The following FSTL4 variants were observed in gnomAD, a reference collection of about 807,000 sequenced individuals.
The protein encoded by FSTL4 is follistatin like 4, also known as follistatin-related protein 4.
Under a neutral mutation model 78.2 loss-of-function variants are expected in FSTL4, and 28 were observed. That is an observed-to-expected ratio of 0.36 (90% CI 0.27 to 0.49). The LOEUF (loss-of-function observed/expected upper bound fraction) is 0.49, where lower values mean the gene tolerates loss of function less well. FSTL4 is among the 20% of genes least tolerant of loss of function. The pLI is 0.98. For synonymous variants in FSTL4, 422 were observed against 440.5 expected (o/e 0.96, Z 0.53); for missense variants, 922 against 1,084.9 (o/e 0.85, Z 2.11).
chr5:133,225,388 C>A lies in FSTL4; in HGVS notation c.1178-104G>T, dbSNP rs1318196021. 4 of 1,395,736 alleles carry A rather than the reference C, an allele frequency of 2.9e-6. No individual in the cohort carries two copies. The Admixed American group carries it at 5.7e-5, about 20-fold the overall frequency. The allele number at this position is 1,395,736 out of a possible 1,614,324, so 86.5% of individuals were successfully genotyped here. A position where few individuals can be genotyped will look rare whatever the true frequency, so the allele number is the denominator to read the frequency against. ...TTAGGGCTGCCCAGCCCCTGGGCAG[C>A]CAGCAGCCCTGATTATACGCCCAGG... On this transcript the variant is annotated intron_variant, in intron 9 of 15. Coordinates refer to ENST00000265342, the MANE Select transcript of FSTL4 (RefSeq NM_015082.2). The surrounding 1 kb of genome is among the most constrained non-coding windows in gnomAD (Gnocchi z 4.6).
chr5:133,343,608 GA>G (rs1476543341), intron 4 of FSTL4, among the ~76,000 whole-genome samples: 2 of 152,138 alleles, frequency 1.3e-5, no homozygotes, highest in Non-Finnish European at 2.9e-5. Flanking sequence ...CCTTATAATT[GA>G]AAAAAAGTTT....
the FSTL4 span, among the ~76,000 whole-genome samples, chr5:133,748,569 T>TCA: frequency 0.019 from 2,919 of 151,934 alleles, 45 homozygotes; most frequent in Middle Eastern, 0.051. Context: ...AGACTCCATC[T>TCA]CACACACACA....
chr5:133,375,537 T>C (rs1056116146), intron 4 of FSTL4, among the ~76,000 whole-genome samples: 1 of 152,016 alleles, frequency 6.6e-6, no homozygotes, highest in Non-Finnish European at 1.5e-5. Context: ...CCAAGCCTCA[T>C]GCTAGTTCCC....
chr5:133,365,428 G>C (rs1755163202), intron 4 of FSTL4, among the ~76,000 whole-genome samples: 1 of 152,202 alleles, frequency 6.6e-6, no homozygotes, highest in Non-Finnish European at 1.5e-5. Context: ...GGCAGGTCCA[G>C]ATGGGACCTC....
chr5:133,841,805 T>A, the FSTL4 span, among the ~76,000 whole-genome samples: 1 of 152,240 alleles, frequency 6.6e-6, no homozygotes, highest in African/African-American at 2.4e-5. Flanking sequence ...ATCACTTGTC[T>A]TCTCCTCGCA....
chr5:133,790,268 T>C, the FSTL4 span, among the ~76,000 whole-genome samples: 1 of 152,242 alleles, frequency 6.6e-6, no homozygotes, highest in Non-Finnish European at 1.5e-5. Flanking sequence ...GTGAAAATCC[T>C]GGCTCTGACC....
At chr5:133,253,292 G>C (rs1752304241) in intron 6 of FSTL4, among the ~76,000 whole-genome samples, 1 of 152,202 alleles carries the variant, frequency 6.6e-6, no homozygotes, top group African/African-American at 2.4e-5. Flanking sequence ...AGCATCATGT[G>C]CTAGGCCCCG....
At chr5:133,748,304 T>C in the FSTL4 span, among the ~76,000 whole-genome samples, 1 of 152,046 alleles carries the variant, frequency 6.6e-6, no homozygotes, top group Non-Finnish European at 1.5e-5. Flanking sequence ...GTGTGGTGGC[T>C]CACATCTGTA....
At chr5:133,398,883 G>A (rs1185723821) in intron 4 of FSTL4, among the ~76,000 whole-genome samples, 2 of 152,176 alleles carry the variant, frequency 1.3e-5, no homozygotes, top group Non-Finnish European at 2.9e-5. Flanking sequence ...TACCAAGTGG[G>A]CGGCAACTCA....
chr5:133,505,253 T>C (rs1415347159), intron 3 of FSTL4, among the ~76,000 whole-genome samples: 2 of 152,232 alleles, frequency 1.3e-5, no homozygotes, highest in South Asian at 2.1e-4. Flanking sequence ...ACAAGTTTTG[T>C]TTTTATAACC....
chr5:133,661,999 A>G, the FSTL4 span, among the ~76,000 whole-genome samples: 1 of 152,246 alleles, frequency 6.6e-6, no homozygotes, highest in Non-Finnish European at 1.5e-5. Context: ...CAATTTTATT[A>G]CCAGAATCCA....
At chr5:133,469,657 C>T (rs1046423477) in intron 3 of FSTL4, among the ~76,000 whole-genome samples, 10 of 152,148 alleles carry the variant, frequency 6.6e-5, no homozygotes, top group African/African-American at 1.4e-4. Context: ...GCATTTCTTT[C>T]GCCTGCTGAG....
chr5:133,375,297 T>TATATATATATATATATATATATATAC, intron 4 of FSTL4, among the ~76,000 whole-genome samples: 1 of 129,604 alleles, frequency 7.7e-6, no homozygotes, highest in Non-Finnish European at 1.7e-5. Context: ...ATGGCATATA[T>TATATATATATATATATATATATATAC]ATATATATAT....
intron 4 of FSTL4, among the ~76,000 whole-genome samples, chr5:133,365,460 C>T (rs559296666): frequency 8.1e-4 from 124 of 152,272 alleles, no homozygotes; most frequent in Middle Eastern, 3.4e-3. Context: ...CTTTCAAATG[C>T]GGCTGTCATT....
intron 6 of FSTL4, among the ~76,000 whole-genome samples, chr5:133,294,845 A>C (rs919818078): frequency 6.6e-6 from 1 of 151,964 alleles, no homozygotes; most frequent in Non-Finnish European, 1.5e-5. Context: ...CTTACCATGG[A>C]ATTCCATGGA....
chr5:133,360,725 C>A (rs560724477), intron 4 of FSTL4, among the ~76,000 whole-genome samples: 72 of 152,238 alleles, frequency 4.7e-4, no homozygotes, highest in African/African-American at 1.6e-3. Flanking sequence ...ATGTTTTCAA[C>A]GTCCACTTTA....
Position 133,225,431 on chromosome 5 carries a change from A to G in FSTL4, c.1178-147T>C. 4.0e-6 allele frequency: 4 copies of G among 989,860 alleles called. No homozygotes were observed. The highest frequency in any genetic ancestry group is 1.6e-5 in the African/African-American group (1 of 61,884). 61.3% of individuals were successfully genotyped at this position (989,860 alleles called of 1,614,324 possible). On this transcript the variant is annotated intron_variant, in intron 9 of 15. Coordinates refer to ENST00000265342, the MANE Select transcript of FSTL4 (RefSeq NM_015082.2). This position sits in a 1 kb window ranked among gnomAD's most constrained non-coding sequence, Gnocchi z 4.6. ...CGCCCAGGAAGGGCTGGCACATCTG[A>G]AATGCACTGAGGGTGAGCTGGACCT...
At chr5:133,512,727 T>C (rs928063679) in intron 3 of FSTL4, among the ~76,000 whole-genome samples, 1 of 152,208 alleles carries the variant, frequency 6.6e-6, no homozygotes, top group African/African-American at 2.4e-5. Flanking sequence ...GGAAGAGCAA[T>C]GGCTTATGCA....
intron 6 of FSTL4, among the ~76,000 whole-genome samples, chr5:133,258,878 C>T (rs772153234): frequency 6.6e-6 from 1 of 152,122 alleles, no homozygotes; most frequent in Non-Finnish European, 1.5e-5. Context: ...TTTGACAGGC[C>T]AAGTCATCCA....
Sources: gnomAD v4.1 joint callset for allele counts (sites outside exome capture counted in the v4.1 genomes callset) on GRCh38, gnomAD v4.1.1 for gene constraint, Gnocchi (gnomAD v3.1) non-coding constraint, MANE v1.5 for transcripts, NCBI Gene and HGNC (gene_info 2026-07-23, HGNC 2026-07-21) for gene names.